PDE11A: variants seen among roughly 807,000 people sequenced by gnomAD.
PDE11A encodes dual 3',5'-cyclic-AMP and -GMP phosphodiesterase 11A.
In PDE11A, 100 loss-of-function variants were observed where a neutral mutation model predicts 100.5. That is an observed-to-expected ratio of 1.00 (90% CI 0.85 to 1.18). PDE11A has a LOEUF of 1.18. PDE11A is among the 50% of genes most tolerant of loss of function. The pLI, the probability that PDE11A is intolerant of heterozygous loss-of-function variation, is 0.00. For missense variants in PDE11A, 1,141 were observed against 1,152.6 expected (o/e 0.99, Z 0.15); for synonymous variants, 381 against 420.8 (o/e 0.91, Z 1.16).
At chr2:177,952,250 C>T (rs2085513729) in intron 2 of PDE11A, among the ~76,000 whole-genome samples, 1 of 152,206 alleles carries the variant, frequency 6.6e-6, no homozygotes, top group African/African-American at 2.4e-5. Context: ...GTATCCCTTC[C>T]TGGAACAGAC....
intron 5 of PDE11A, among the ~76,000 whole-genome samples, chr2:177,861,004 T>G (rs10183345): frequency 0.039 from 5,857 of 151,894 alleles, 387 homozygotes; most frequent in African/African-American, 0.13. Context: ...AAAGACTGAA[T>G]GTTTTACTTT....
intron 14 of PDE11A, among the ~76,000 whole-genome samples, chr2:177,700,017 A>C (rs963856076): frequency 6.6e-6 from 1 of 152,150 alleles, no homozygotes; most frequent in African/African-American, 2.4e-5. Context: ...TTTGAACCAA[A>C]GTTCTTCCAT....
intron 6 of PDE11A, among the ~76,000 whole-genome samples, chr2:177,822,679 G>A (rs929299797): frequency 2.0e-5 from 3 of 152,018 alleles, no homozygotes; most frequent in African/African-American, 4.8e-5. Flanking sequence ...CTGTTTGGGG[G>A]AGAATTGACA....
chr2:177,762,140 G>A (rs570785236), intron 10 of PDE11A, among the ~76,000 whole-genome samples: 4 of 152,268 alleles, frequency 2.6e-5, no homozygotes, highest in Non-Finnish European at 5.9e-5. Flanking sequence ...GAATGGACGG[G>A]ACTGCATGTG....
At chr2:177,852,220 TTTCAAC>T (rs1487465342) in intron 5 of PDE11A, among the ~76,000 whole-genome samples, 1 of 152,086 alleles carries the variant, frequency 6.6e-6, no homozygotes, top group Non-Finnish European at 1.5e-5. Flanking sequence ...GGACTGAAAG[TTTCAAC>T]ATAAGCACAA....
At chr2:178,081,780 T>C (rs1341572990) in intron 2 of PDE11A, among the ~76,000 whole-genome samples, 2 of 152,242 alleles carry the variant, frequency 1.3e-5, no homozygotes, top group Non-Finnish European at 2.9e-5. Context: ...CTTTCAACAT[T>C]TGCACAAGTA....
At position 177,998,512 on chromosome 2, in the gene PDE11A, G is replaced by A; in HGVS notation, c.1071+15790C>T. The A allele has an allele frequency of 4.3e-6, 6 of 1,386,460 alleles. No homozygotes were observed. The South Asian group carries it at 5.8e-5, about 13-fold the overall frequency. The allele number at this position is 1,386,460 out of a possible 1,614,324, so 85.9% of individuals were successfully genotyped here. On this transcript the variant is annotated intron_variant, in intron 2 of 19. Coordinates refer to ENST00000286063, the MANE Select transcript of PDE11A (RefSeq NM_016953.4). ...AGATTTTCTCCAGTGGTAAATTGAG[G>A]CAGTTCTTTAATTGCTTGACGTCAA...
chr2:178,071,730 G>T lies in PDE11A; in HGVS notation c.708C>A (p.Asp236Glu), dbSNP rs199969326. The stretch of plus-strand genomic sequence containing the variant: ...CTTCCACCAGGAAAAGAGAGCAGCG[G>T]TCAGCATCCACCATAAGGCAGACAA... ...LIFVCLMVDA[D>E]RCSLFLVEGA... The change falls in exon 1 of 20, where the codon GAC becomes GAA. Residue 236 changes from aspartate to glutamate, a missense_variant. Asp to Glu is a conservative substitution (Grantham distance 45, BLOSUM62 2). Transcript: ENST00000286063. 6.0e-5 allele frequency: 97 copies of T among 1,614,130 alleles called. No individual in the cohort carries two copies. The East Asian group carries it at 1.6e-3, about 26-fold the overall frequency.
At chr2:177,915,104 T>C (rs952843846) in intron 2 of PDE11A, among the ~76,000 whole-genome samples, 2 of 152,184 alleles carry the variant, frequency 1.3e-5, no homozygotes, top group Non-Finnish European at 2.9e-5. Flanking sequence ...GGATTTCCCA[T>C]AGACCCTGCC....
chr2:177,868,912 CT>C (rs770802567), intron 5 of PDE11A, among the ~76,000 whole-genome samples: 18 of 152,222 alleles, frequency 1.2e-4, no homozygotes, highest in Non-Finnish European at 1.9e-4. Flanking sequence ...AATTTTTTCA[CT>C]GTGCAGATAC....
intron 2 of PDE11A, among the ~76,000 whole-genome samples, chr2:178,001,080 G>A (rs901454183): frequency 6.6e-6 from 1 of 152,140 alleles, no homozygotes; most frequent in Non-Finnish European, 1.5e-5. Context: ...TCCATAAGGT[G>A]AGAATTATAA....
At chr2:177,916,789 T>C (rs1043849861) in intron 2 of PDE11A, among the ~76,000 whole-genome samples, 1 of 151,808 alleles carries the variant, frequency 6.6e-6, no homozygotes, top group Non-Finnish European at 1.5e-5. Context: ...AGATGGAGTC[T>C]TGCTCTGTCG....
intron 19 of PDE11A, among the ~76,000 whole-genome samples, chr2:177,646,127 A>G (rs1192952236): frequency 6.6e-6 from 1 of 152,232 alleles, no homozygotes; most frequent in African/African-American, 2.4e-5. Flanking sequence ...TATTTCCATA[A>G]TATAGGGCAA....
chr2:177,792,376 G>T (rs1463131632), intron 9 of PDE11A, among the ~76,000 whole-genome samples: 1 of 152,072 alleles, frequency 6.6e-6, no homozygotes, highest in Non-Finnish European at 1.5e-5. Context: ...AGAACTTTTA[G>T]TAGTCTGATT....
intron 10 of PDE11A, among the ~76,000 whole-genome samples, chr2:177,762,784 T>G (rs117825587): frequency 6.6e-6 from 1 of 152,198 alleles, no homozygotes; most frequent in East Asian, 1.9e-4. Context: ...TGTTTTCAAA[T>G]AGAAAGAAGT....
intron 2 of PDE11A, among the ~76,000 whole-genome samples, chr2:177,909,419 G>A (rs1212296023): frequency 6.6e-6 from 1 of 152,048 alleles, no homozygotes; most frequent in Non-Finnish European, 1.5e-5. Context: ...GCCTTCTCCC[G>A]TCAGGCCCTG....
chr2:177,800,289 C>T (rs537730853), intron 9 of PDE11A, among the ~76,000 whole-genome samples: 1 of 151,934 alleles, frequency 6.6e-6, no homozygotes, highest in Non-Finnish European at 1.5e-5. Context: ...GCCACCTCAG[C>T]TTCCTGAGTA....
intron 2 of PDE11A, among the ~76,000 whole-genome samples, chr2:178,078,675 G>GA (rs2087245366): frequency 6.6e-6 from 1 of 152,104 alleles, no homozygotes; most frequent in South Asian, 2.1e-4. Context: ...TCTTGCTGAA[G>GA]AATAACTTGT....
At chr2:177,850,921 C>T (rs1346356077) in intron 5 of PDE11A, among the ~76,000 whole-genome samples, 1 of 152,202 alleles carries the variant, frequency 6.6e-6, no homozygotes, top group Non-Finnish European at 1.5e-5. Context: ...AATAGGAACA[C>T]TTTTACACTG....
Sources: gnomAD v4.1 joint callset for allele counts (sites outside exome capture counted in the v4.1 genomes callset) on GRCh38, gnomAD v4.1.1 for gene constraint, MANE v1.5 for transcripts, NCBI Gene and HGNC (gene_info 2026-07-23, HGNC 2026-07-21) for gene names.